The following CATSPERT variants were observed in gnomAD, a reference collection of about 807,000 sequenced individuals.
CATSPERT encodes cation channel sperm-associated targeting subunit tau.
the CATSPERT span, chr2:201,572,170 T>A: frequency 1.8e-6 from 1 of 546,288 alleles, no homozygotes; most frequent in Non-Finnish European, 3.2e-6. Flanking sequence ...AATAAGGAAT[T>A]AAGAGAGGAA....
chr2:201,615,559 G>A, the CATSPERT span, among the ~76,000 whole-genome samples: 8 of 152,164 alleles, frequency 5.3e-5, no homozygotes, highest in East Asian at 5.8e-4. Context: ...TTAAAGCAGC[G>A]TGTAGAAGGA....
At chr2:201,500,161 C>T in the CATSPERT span, among the ~76,000 whole-genome samples, 4 of 152,000 alleles carry the variant, frequency 2.6e-5, no homozygotes, top group African/African-American at 7.3e-5. Context: ...TTTTGGCCAA[C>T]TAGACATAAT....
chr2:201,563,944 C>T, the CATSPERT span, among the ~76,000 whole-genome samples: 1 of 152,254 alleles, frequency 6.6e-6, no homozygotes, highest in East Asian at 1.9e-4. Flanking sequence ...GGCATTTATG[C>T]CTTGAGATGG....
At chr2:201,578,655 G>C in the CATSPERT span, among the ~76,000 whole-genome samples, 1 of 152,100 alleles carries the variant, frequency 6.6e-6, no homozygotes, top group Admixed American at 6.5e-5. Flanking sequence ...ATTGTGGAAT[G>C]ATGGGTGATT....
At chr2:201,493,715 C>G in the CATSPERT span, 1 of 1,537,212 alleles carries the variant, frequency 6.5e-7, no homozygotes, top group Non-Finnish European at 8.7e-7. Flanking sequence ...ATCTCCAATT[C>G]TGAGAATATT....
chr2:201,517,115 C>T, the CATSPERT span, among the ~76,000 whole-genome samples: 3 of 151,932 alleles, frequency 2.0e-5, no homozygotes, highest in African/African-American at 7.3e-5. Flanking sequence ...TGTGTCCTTC[C>T]CCTGCCTGAA....
chr2:201,517,515 T>G, the CATSPERT span, among the ~76,000 whole-genome samples: 1 of 152,220 alleles, frequency 6.6e-6, no homozygotes, highest in Non-Finnish European at 1.5e-5. Flanking sequence ...TTACCCTACT[T>G]ACAAGCTGTC....
At chr2:201,606,568 A>G in the CATSPERT span, among the ~76,000 whole-genome samples, 1 of 152,172 alleles carries the variant, frequency 6.6e-6, no homozygotes, top group Non-Finnish European at 1.5e-5. Context: ...ATGAGCTTCA[A>G]CCAAACCAAA....
chr2:201,548,063 T>A, the CATSPERT span, among the ~76,000 whole-genome samples: 5 of 152,172 alleles, frequency 3.3e-5, no homozygotes, highest in Non-Finnish European at 7.4e-5. Flanking sequence ...ACTTTTTTTT[T>A]AATGTACTTT....
the CATSPERT span, chr2:201,534,580 T>C: frequency 1.0e-6 from 1 of 985,218 alleles, no homozygotes; most frequent in Middle Eastern, 5.2e-4. Flanking sequence ...ATGATCTGTC[T>C]ACTCATAGCA....
the CATSPERT span, chr2:201,493,392 C>G: frequency 2.6e-6 from 4 of 1,536,968 alleles, no homozygotes; most frequent in Non-Finnish European, 2.6e-6. Flanking sequence ...GAGGTTCTGT[C>G]TCGCTTCTGA....
chr2:201,537,485 TAAAC>T, the CATSPERT span: 2 of 1,580,958 alleles, frequency 1.3e-6, no homozygotes, highest in Non-Finnish European at 1.7e-6. Context: ...GATATCTGCT[TAAAC>T]AATTAATAGG....
the CATSPERT span, among the ~76,000 whole-genome samples, chr2:201,560,566 A>T: frequency 6.6e-6 from 1 of 152,012 alleles, no homozygotes; most frequent in Non-Finnish European, 1.5e-5. Flanking sequence ...CTATTGAAAT[A>T]ATACGGGCAG....
chr2:201,514,240 G>T, the CATSPERT span, among the ~76,000 whole-genome samples: 6,000 of 152,066 alleles, frequency 0.039, 184 homozygotes, highest in African/African-American at 0.083. Flanking sequence ...AACATTACAA[G>T]AAAGCTACAG....
chr2:201,495,477 C>T, the CATSPERT span, among the ~76,000 whole-genome samples: 2 of 152,164 alleles, frequency 1.3e-5, no homozygotes, highest in South Asian at 2.1e-4. Flanking sequence ...ATTGAAACAG[C>T]CTTCAAAATA....
chr2:201,596,071 C>T, the CATSPERT span, among the ~76,000 whole-genome samples: 1 of 152,322 alleles, frequency 6.6e-6, no homozygotes, highest in African/African-American at 2.4e-5. Flanking sequence ...AATCCCATTA[C>T]TGGGTATATA....
chr2:201,501,395 CAAAAAAAAA>C, the CATSPERT span, among the ~76,000 whole-genome samples: 1 of 46,604 alleles, frequency 2.1e-5, no homozygotes, highest in Non-Finnish European at 3.9e-5. Context: ...AACTCCATCT[CAAAAAAAAA>C]AAAAAAAAAA....
At chr2:201,580,009 A>T in the CATSPERT span, among the ~76,000 whole-genome samples, 1 of 151,310 alleles carries the variant, frequency 6.6e-6, no homozygotes, top group African/African-American at 2.4e-5. Context: ...ATGCCACCAC[A>T]CCTGGCTAAT....
At chr2:201,536,414 C>A in the CATSPERT span, 1 of 1,396,474 alleles carries the variant, frequency 7.2e-7, no homozygotes. Context: ...CAATTGTACC[C>A]TTATCCTTTA....
Sources: gnomAD v4.1 joint callset for allele counts (sites outside exome capture counted in the v4.1 genomes callset) on GRCh38, gnomAD v4.1.1 for gene constraint, MANE v1.5 for transcripts, NCBI Gene and HGNC (gene_info 2026-07-23, HGNC 2026-07-21) for gene names.